The following NOL4 variants were observed in gnomAD, a reference collection of about 807,000 sequenced individuals.
The protein encoded by NOL4 is nucleolar protein 4.
Under a neutral mutation model 75.9 loss-of-function variants are expected in NOL4, and 17 were observed. The observed-to-expected ratio is 0.22, with a 90% CI of 0.15 to 0.34. The LOEUF is 0.34. Ranked by LOEUF, NOL4 falls within the 10% of genes least tolerant of loss-of-function variation. NOL4 has a pLI of 1.00. For missense variants in NOL4, 614 were observed against 793.5 expected, an observed-to-expected ratio of 0.77 and a Z score of 2.72; for synonymous variants, 292 against 289.9, an observed-to-expected ratio of 1.01 and a Z score of -0.07.
intron 5 of NOL4, among the ~76,000 whole-genome samples, chr18:34,037,802 C>T (rs184056285): frequency 2.0e-5 from 3 of 151,904 alleles, no homozygotes; most frequent in African/African-American, 7.2e-5. Context: ...AATTATAAAA[C>T]CACTGTAAGG....
intron 5 of NOL4, among the ~76,000 whole-genome samples, chr18:34,065,083 A>C (rs1287895811): frequency 6.6e-6 from 1 of 151,940 alleles, no homozygotes; most frequent in Non-Finnish European, 1.5e-5. Flanking sequence ...AGTCAACTTG[A>C]ATAAAAAGGG....
At chr18:34,141,466 G>T (rs1010267395) in intron 1 of NOL4, among the ~76,000 whole-genome samples, 2 of 152,108 alleles carry the variant, frequency 1.3e-5, no homozygotes, top group African/African-American at 4.8e-5. Context: ...AAACAGCATG[G>T]TACTGGTACC....
At chr18:33,935,071 G>C (rs935891993) in intron 9 of NOL4, among the ~76,000 whole-genome samples, 1 of 151,834 alleles carries the variant, frequency 6.6e-6, no homozygotes, top group Non-Finnish European at 1.5e-5. Flanking sequence ...CACTATGTTC[G>C]CCAGGCTGGT....
chr18:34,022,113 T>A (rs7244119), intron 5 of NOL4, among the ~76,000 whole-genome samples: 41,174 of 148,026 alleles, frequency 0.28, 5,813 homozygotes, highest in African/African-American at 0.32. Context: ...TCAAAAAAAA[T>A]AAATAAATAA....
intron 1 of NOL4, among the ~76,000 whole-genome samples, chr18:34,163,497 T>A (rs964511278): frequency 9.2e-5 from 14 of 151,904 alleles, no homozygotes; most frequent in Admixed American, 8.5e-4. Flanking sequence ...CACAACTGCT[T>A]CAAAGAGAAT....
intron 6 of NOL4, among the ~76,000 whole-genome samples, chr18:33,974,111 T>C (rs1335384871): frequency 6.6e-6 from 1 of 152,160 alleles, no homozygotes; most frequent in Non-Finnish European, 1.5e-5. Flanking sequence ...TAATACTAAC[T>C]CGATCTTCTG....
intron 9 of NOL4, among the ~76,000 whole-genome samples, chr18:33,920,539 A>C (rs1292472237): frequency 1.3e-5 from 2 of 152,230 alleles, no homozygotes; most frequent in Non-Finnish European, 2.9e-5. Flanking sequence ...ATTTGCCTAC[A>C]TGAAGAACCA....
intron 1 of NOL4, among the ~76,000 whole-genome samples, chr18:34,219,951 A>G (rs1039961059): frequency 2.6e-5 from 4 of 152,236 alleles, no homozygotes; most frequent in African/African-American, 7.2e-5. Context: ...ATGTCCCCTC[A>G]GGTTTAGACA....
At chr18:34,165,835 G>C (rs867146178) in intron 1 of NOL4, among the ~76,000 whole-genome samples, 1 of 151,346 alleles carries the variant, frequency 6.6e-6, no homozygotes, top group African/African-American at 2.4e-5. Context: ...AGATATAATT[G>C]AATAATAACA....
At chr18:34,080,848 ATG>A (rs2077977834) in intron 5 of NOL4, among the ~76,000 whole-genome samples, 1 of 152,198 alleles carries the variant, frequency 6.6e-6, no homozygotes, top group African/African-American at 2.4e-5. Context: ...AATGGGAATA[ATG>A]TGTGACATAA....
At chr18:34,140,813 G>A (rs1347571014) in intron 1 of NOL4, among the ~76,000 whole-genome samples, 1 of 152,086 alleles carries the variant, frequency 6.6e-6, no homozygotes, top group East Asian at 1.9e-4. Flanking sequence ...TGCAGTGGCT[G>A]ATACTGGTTG....
At chr18:34,221,591 A>G (rs1220893551) in intron 1 of NOL4, 2 of 145,790 alleles carry the variant, frequency 1.4e-5, no homozygotes, top group African/African-American at 5.4e-5. Context: ...ATCTCCCAAC[A>G]ATAGTACATT....
At chr18:34,042,629 A>T (rs1171719474) in intron 5 of NOL4, among the ~76,000 whole-genome samples, 2 of 152,074 alleles carry the variant, frequency 1.3e-5, no homozygotes, top group Admixed American at 1.3e-4. Context: ...GATAAGTGAT[A>T]ATGAGTGGAT....
chr18:34,206,405 A>T (rs989649865), intron 1 of NOL4, among the ~76,000 whole-genome samples: 2 of 152,176 alleles, frequency 1.3e-5, no homozygotes, highest in Non-Finnish European at 2.9e-5. Flanking sequence ...ATATCTATTC[A>T]TACTGAAGAA....
chr18:34,193,265 C>G (rs2035055641), intron 1 of NOL4, among the ~76,000 whole-genome samples: 1 of 152,010 alleles, frequency 6.6e-6, no homozygotes, highest in African/African-American at 2.4e-5. Context: ...GATGGAATAA[C>G]ATCTAACTGA....
chr18:33,879,731 G>C (rs921552922), intron 10 of NOL4, among the ~76,000 whole-genome samples: 1 of 151,370 alleles, frequency 6.6e-6, no homozygotes, highest in Non-Finnish European at 1.5e-5. Context: ...TTGTTTGGAT[G>C]AGCTATAATT....
At chr18:34,209,072 G>A (rs1460422541) in intron 1 of NOL4, among the ~76,000 whole-genome samples, 7 of 150,432 alleles carry the variant, frequency 4.7e-5, no homozygotes, top group Middle Eastern at 3.5e-3. Context: ...TTAGCTGGGC[G>A]TGATGGTGGG....
At chr18:33,861,313 C>A (rs1242155857) in intron 10 of NOL4, among the ~76,000 whole-genome samples, 1 of 152,120 alleles carries the variant, frequency 6.6e-6, no homozygotes, top group Non-Finnish European at 1.5e-5. Flanking sequence ...AATTTCAACT[C>A]CTGTTATTGG....
intron 9 of NOL4, among the ~76,000 whole-genome samples, chr18:33,909,086 G>A (rs546083911): frequency 6.6e-6 from 1 of 151,974 alleles, no homozygotes; most frequent in East Asian, 1.9e-4. Flanking sequence ...TTAATTTTTA[G>A]GTGTTCTCTA....
Sources: gnomAD v4.1 joint callset for allele counts (sites outside exome capture counted in the v4.1 genomes callset) on GRCh38, gnomAD v4.1.1 for gene constraint, MANE v1.5 for transcripts, NCBI Gene and HGNC (gene_info 2026-07-23, HGNC 2026-07-21) for gene names.